NUBPL: variants seen among roughly 807,000 people sequenced by gnomAD.
NUBPL encodes NUBP iron-sulfur cluster assembly factor, mitochondrial.
NUBPL carries 31 observed loss-of-function variants against 45.7 expected under a neutral mutation model. The ratio of observed to expected loss-of-function variants is 0.68; its 90% CI spans 0.51 to 0.92. The LOEUF is 0.92. NUBPL is among the 40% of genes least tolerant of loss of function. The pLI, the probability that NUBPL is intolerant of heterozygous loss-of-function variation, is 0.00. For missense variants in NUBPL, 401 were observed against 398.7 expected (o/e 1.01, Z -0.05); for synonymous variants, 144 against 140.9 (o/e 1.02, Z -0.15).
intron 6 of NUBPL, among the ~76,000 whole-genome samples, chr14:31,734,527 CATA>C (rs1191955004): frequency 6.6e-6 from 1 of 152,162 alleles, no homozygotes; most frequent in Non-Finnish European, 1.5e-5. Flanking sequence ...TTTTTCTTCA[CATA>C]ATATCTTCAT....
chr14:31,842,047 C>T (rs2138980044), intron 8 of NUBPL, among the ~76,000 whole-genome samples: 1 of 148,562 alleles, frequency 6.7e-6, no homozygotes, highest in Admixed American at 6.8e-5. Flanking sequence ...TCTCCTGCCT[C>T]AGCCTCCTGA....
chr14:31,768,257 G>A (rs1566551535), intron 6 of NUBPL, among the ~76,000 whole-genome samples: 1 of 152,186 alleles, frequency 6.6e-6, no homozygotes, highest in Non-Finnish European at 1.5e-5. Context: ...AGATAGCTCT[G>A]AAGAAGAAGT....
chr14:31,572,216 T>G (rs1398315767), intron 3 of NUBPL, among the ~76,000 whole-genome samples: 1 of 152,094 alleles, frequency 6.6e-6, no homozygotes, highest in African/African-American at 2.4e-5. Context: ...CTTGGCTCAC[T>G]GCAATCTCCG....
chr14:31,577,944 C>CT (rs2033759496), intron 3 of NUBPL: 1 of 1,288,500 alleles, frequency 7.8e-7, no homozygotes, highest in African/African-American at 1.5e-5. Flanking sequence ...ATTAGAGTGA[C>CT]CATGACTTTC....
intron 10 of NUBPL, among the ~76,000 whole-genome samples, chr14:31,852,359 T>C (rs181246832): frequency 8.5e-5 from 13 of 152,282 alleles, no homozygotes; most frequent in African/African-American, 3.1e-4. Flanking sequence ...CAAGTAAATA[T>C]CACTCTTTGA....
In NUBPL at chr14:31,581,202, C is replaced by CTT. The variant is rs751566032; in HGVS notation, c.291+16172_291+16173dup. 4.1e-3 allele frequency among the ~76,000 whole-genome samples: 424 copies of CTT among 103,310 alleles called. 3 individuals carry two copies. The highest frequency in any genetic ancestry group is 0.011 in the African/African-American group (369 of 32,104). 67.8% of individuals were successfully genotyped at this position (103,310 alleles called of 152,430 possible). A position where few individuals can be genotyped will look rare whatever the true frequency, so the allele number is the denominator to read the frequency against. On this transcript the variant is annotated intron_variant, in intron 3 of 10. Transcript: ENST00000281081. ...TGGATGGTGAAGGAAAGAGATGGTT[C>CTT]TTTTTTTTTTTTTTTTTTTGGTATG...
rs117977061 is a variant in NUBPL at position 31,674,154 on chromosome 14, G to A, written c.513+580G>A. On this transcript the variant is annotated intron_variant, in intron 6 of 10. Transcript: ENST00000281081. ...CTATATGTTATTTATAGTTAGCTTG[G>A]AATAAGTTTTATTTTTTTCTCAGTA... Among the ~76,000 whole-genome samples the A allele has an allele frequency of 1.4e-3, 215 of 152,182 alleles. 3 individuals are homozygous for A. The East Asian group carries it at 0.036, about 25-fold the overall frequency.
intron 6 of NUBPL, among the ~76,000 whole-genome samples, chr14:31,712,462 C>T (rs936566027): frequency 1.3e-5 from 2 of 152,258 alleles, no homozygotes; most frequent in Non-Finnish European, 2.9e-5. Flanking sequence ...CACCCAGAAC[C>T]TGTGCCAGCC....
At chr14:31,801,467 T>G (rs1386640648) in intron 7 of NUBPL, among the ~76,000 whole-genome samples, 2 of 152,162 alleles carry the variant, frequency 1.3e-5, no homozygotes, top group African/African-American at 4.8e-5. Context: ...AGGACAGAAT[T>G]TCTGCCCTCT....
chr14:31,597,305 T>C (rs1242006345), intron 3 of NUBPL, among the ~76,000 whole-genome samples: 1 of 152,156 alleles, frequency 6.6e-6, no homozygotes, highest in African/African-American at 2.4e-5. Flanking sequence ...TCCTCCTTAA[T>C]TTTTACATAA....
At chr14:31,804,787 A>T (rs573881467) in intron 7 of NUBPL, among the ~76,000 whole-genome samples, 32 of 152,306 alleles carry the variant, frequency 2.1e-4, no homozygotes, top group Admixed American at 1.6e-3. Flanking sequence ...AAATCAACTC[A>T]AGATGGGTTA....
intron 6 of NUBPL, among the ~76,000 whole-genome samples, chr14:31,746,931 G>A (rs1308622934): frequency 6.6e-6 from 1 of 151,702 alleles, no homozygotes; most frequent in Non-Finnish European, 1.5e-5. Flanking sequence ...TTAGCCAGAT[G>A]TGGTGGCTTG....
chr14:31,665,378 C>G (rs761977690), intron 4 of NUBPL, among the ~76,000 whole-genome samples: 2 of 152,216 alleles, frequency 1.3e-5, no homozygotes, highest in Admixed American at 6.5e-5. Context: ...AAATTTCCCT[C>G]TAAACACTGC....
chr14:31,620,678 C>T (rs2035034675), intron 4 of NUBPL, among the ~76,000 whole-genome samples: 1 of 152,152 alleles, frequency 6.6e-6, no homozygotes, highest in Non-Finnish European at 1.5e-5. Context: ...AGGCACCCAC[C>T]AGACGCCAGC....
chr14:31,611,805 G>A (rs1368413404), intron 4 of NUBPL, among the ~76,000 whole-genome samples: 2 of 152,148 alleles, frequency 1.3e-5, no homozygotes, highest in African/African-American at 4.8e-5. Context: ...AAGTTTCCAA[G>A]AGCATACAGT....
intron 3 of NUBPL, among the ~76,000 whole-genome samples, chr14:31,572,252 G>C (rs905388841): frequency 6.6e-6 from 1 of 151,802 alleles, no homozygotes; most frequent in Admixed American, 6.6e-5. Flanking sequence ...CCATTCCCCT[G>C]CCTCAGCCTC....
At position 31,562,045 on chromosome 14, in the gene NUBPL, TTTA is replaced by T. The variant is rs756690905; in HGVS notation, c.109-11_109-9del. On this transcript the variant is annotated intron_variant, in intron 1 of 10. Transcript: ENST00000281081. ...GGAGATGGCTTATTTAAAACGGCTT[TTTA>T]TTATTATTATTTTTTAAAGTTGTCT... 3.8e-5 allele frequency: 59 copies of T among 1,552,072 alleles called. No individual in the cohort carries two copies. The East Asian group carries it at 1.3e-3, about 35-fold the overall frequency.
chr14:31,834,662 A>G (rs991030999), intron 8 of NUBPL, among the ~76,000 whole-genome samples: 2 of 152,180 alleles, frequency 1.3e-5, no homozygotes, highest in African/African-American at 2.4e-5. Flanking sequence ...TCAGAAGTCT[A>G]TGTATGCTTT....
chr14:31,592,159 G>C (rs1296159052), intron 3 of NUBPL, among the ~76,000 whole-genome samples: 1 of 152,168 alleles, frequency 6.6e-6, no homozygotes, highest in Non-Finnish European at 1.5e-5. Context: ...GTATCTCAGG[G>C]AGAAGGAAGA....
Sources: gnomAD v4.1 joint callset for allele counts (sites outside exome capture counted in the v4.1 genomes callset) on GRCh38, gnomAD v4.1.1 for gene constraint, MANE v1.5 for transcripts, NCBI Gene and HGNC (gene_info 2026-07-23, HGNC 2026-07-21) for gene names.